Variants in RAP1GAP2 observed in about 807,000 individuals in gnomAD.
RAP1GAP2 encodes rap1 GTPase-activating protein 2.
RAP1GAP2 carries 27 observed loss-of-function variants against 95.0 expected under a neutral mutation model. The ratio of observed to expected loss-of-function variants is 0.28; its 90% CI spans 0.21 to 0.39. The LOEUF is 0.39. RAP1GAP2 is among the 10% of genes least tolerant of loss of function. RAP1GAP2 has a pLI of 1.00. For synonymous variants in RAP1GAP2, 373 were observed against 380.9 expected (o/e 0.98, Z 0.24); for missense variants, 771 against 970.0 (o/e 0.79, Z 2.72).
At chr17:2,957,409 A>G (rs1196747033) in intron 3 of RAP1GAP2, among the ~76,000 whole-genome samples, 2 of 152,192 alleles carry the variant, frequency 1.3e-5, no homozygotes, top group African/African-American at 4.8e-5. Flanking sequence ...AAAACATCCT[A>G]AATATGGCTC....
intron 3 of RAP1GAP2, among the ~76,000 whole-genome samples, chr17:2,918,527 G>A (rs560932143): frequency 6.6e-6 from 1 of 152,124 alleles, no homozygotes; most frequent in East Asian, 1.9e-4. Context: ...GGCTGTTGGG[G>A]TGGCCTCAGG....
chr17:2,961,522 AAAAC>A (rs143965896), intron 4 of RAP1GAP2, among the ~76,000 whole-genome samples: 18,943 of 152,160 alleles, frequency 0.12, 1,242 homozygotes, highest in South Asian at 0.19. Flanking sequence ...CTCAAAAACA[AAAAC>A]AAACAAACAA....
At chr17:2,933,390 C>T (rs2043216499) in intron 3 of RAP1GAP2, among the ~76,000 whole-genome samples, 1 of 152,186 alleles carries the variant, frequency 6.6e-6, no homozygotes, top group South Asian at 2.1e-4. Context: ...CAGCCAGACA[C>T]CTGCCTTCCA....
chr17:2,805,444 C>T (rs2069473741), intron 2 of RAP1GAP2, among the ~76,000 whole-genome samples: 1 of 152,182 alleles, frequency 6.6e-6, no homozygotes, highest in South Asian at 2.1e-4. Context: ...CAACCTCCGT[C>T]TCCTGGGTTC....
At chr17:2,849,002 CTT>C (rs1449389645) in intron 2 of RAP1GAP2, among the ~76,000 whole-genome samples, 10 of 152,120 alleles carry the variant, frequency 6.6e-5, no homozygotes, top group African/African-American at 2.4e-4. Flanking sequence ...GTGGAGGTGT[CTT>C]AGCACAGGTG....
chr17:2,791,440 C>G (rs1054771664), upstream of RAP1GAP2, among the ~76,000 whole-genome samples: 2 of 152,200 alleles, frequency 1.3e-5, no homozygotes, highest in African/African-American at 4.8e-5. Flanking sequence ...TCATTATTCT[C>G]TCCCCAGTGA....
intron 2 of RAP1GAP2, among the ~76,000 whole-genome samples, chr17:2,879,682 C>T (rs2073218604): frequency 6.6e-6 from 1 of 150,490 alleles, no homozygotes; most frequent in Admixed American, 6.6e-5. Context: ...GCTGAGATCG[C>T]ACCATGGCAC....
At chr17:2,836,479 A>G (rs2071135328) in intron 2 of RAP1GAP2, among the ~76,000 whole-genome samples, 1 of 152,030 alleles carries the variant, frequency 6.6e-6, no homozygotes, top group African/African-American at 2.4e-5. Flanking sequence ...TAAAAACACA[A>G]AAATCAGCTG....
At chr17:2,945,554 A>ATC (rs2043670592) in intron 3 of RAP1GAP2, among the ~76,000 whole-genome samples, 1 of 149,616 alleles carries the variant, frequency 6.7e-6, no homozygotes, top group Non-Finnish European at 1.5e-5. Context: ...TTGCTACTTC[A>ATC]TCTTAAGGGG....
chr17:2,811,406 G>A (rs1031801447), intron 2 of RAP1GAP2, among the ~76,000 whole-genome samples: 12 of 152,182 alleles, frequency 7.9e-5, no homozygotes, highest in Non-Finnish European at 1.3e-4. Context: ...TGCTCTTGTC[G>A]TCTGTGACGT....
chr17:2,999,926 A>G (rs1008980489), intron 14 of RAP1GAP2, among the ~76,000 whole-genome samples: 2 of 152,164 alleles, frequency 1.3e-5, no homozygotes, highest in African/African-American at 4.8e-5. Context: ...AAGCTGGCGA[A>G]GACATGGTGT....
intron 14 of RAP1GAP2, among the ~76,000 whole-genome samples, chr17:3,002,686 A>T (rs940173225): frequency 6.6e-6 from 1 of 152,106 alleles, no homozygotes; most frequent in East Asian, 1.9e-4. Context: ...TAAAGGAGGG[A>T]CAGGGTTGGG....
chr17:2,765,296 C>T (rs889085827), intron 1 of RAP1GAP2, among the ~76,000 whole-genome samples: 2 of 152,184 alleles, frequency 1.3e-5, no homozygotes, highest in African/African-American at 4.8e-5. Context: ...GTCCTGCCAA[C>T]ACCACTTCCT....
At chr17:2,856,306 A>T (rs1388953468) in intron 2 of RAP1GAP2, among the ~76,000 whole-genome samples, 1 of 152,170 alleles carries the variant, frequency 6.6e-6, no homozygotes, top group Non-Finnish European at 1.5e-5. Context: ...ACAGAGAGCG[A>T]GAAGTTCTCT....
chr17:2,858,340 T>G (rs1314365115), intron 2 of RAP1GAP2, among the ~76,000 whole-genome samples: 1 of 152,136 alleles, frequency 6.6e-6, no homozygotes, highest in African/African-American at 2.4e-5. Context: ...TGTGATCCCT[T>G]TGTTGTGGAG....
intron 12 of RAP1GAP2, among the ~76,000 whole-genome samples, chr17:2,992,093 A>G (rs1325044511): frequency 6.6e-6 from 1 of 151,848 alleles, no homozygotes; most frequent in Non-Finnish European, 1.5e-5. Flanking sequence ...GATAATACAC[A>G]AAGAATGCAT....
At chr17:2,809,968 TGTGA>T (rs2069688194) in intron 2 of RAP1GAP2, among the ~76,000 whole-genome samples, 2 of 150,632 alleles carry the variant, frequency 1.3e-5, no homozygotes, top group Admixed American at 1.3e-4. Context: ...GAGTTGGGGA[TGTGA>T]GTGTCAATAG....
intron 10 of RAP1GAP2, among the ~76,000 whole-genome samples, chr17:2,984,640 G>A (rs1014347627): frequency 1.4e-4 from 21 of 152,232 alleles, no homozygotes; most frequent in African/African-American, 4.8e-4. Context: ...CCAGTTTTGG[G>A]GTTTTGGCTT....
chr17:2,830,220 T>A lies in RAP1GAP2; in HGVS notation c.80+29670T>A, dbSNP rs1240604342. On this transcript the variant is annotated intron_variant, in intron 2 of 24. Transcript: ENST00000254695. ...TGAGGTCAGGAGTTCAAGACCAGCC[T>A]GGCCAACATGGTGAAACCCTGTCTG... Among the ~76,000 whole-genome samples, 9 of 151,752 alleles carry A rather than the reference T, an allele frequency of 5.9e-5. No homozygotes were observed. In the East Asian group the frequency reaches 1.8e-3, roughly 30 times the overall value.
Sources: allele counts gnomAD v4.1 joint callset (sites outside exome capture counted in the v4.1 genomes callset), GRCh38; gene constraint gnomAD v4.1.1; transcripts MANE v1.5; gene names NCBI Gene and HGNC (gene_info 2026-07-23, HGNC 2026-07-21).